The following OSBPL2 variants were observed in gnomAD, a reference collection of about 807,000 sequenced individuals.
The protein encoded by OSBPL2 is oxysterol-binding protein-related protein 2.
Under a neutral mutation model 58.4 loss-of-function variants are expected in OSBPL2, and 18 were observed. The ratio of observed to expected loss-of-function variants is 0.31; its 90% CI spans 0.21 to 0.46. The LOEUF (loss-of-function observed/expected upper bound fraction) is 0.46, where lower values mean the gene tolerates loss of function less well. Among genes scored for constraint, OSBPL2 ranks in the 20% least tolerant of loss-of-function variants. OSBPL2 has a pLI of 1.00. For missense variants in OSBPL2, 461 were observed against 616.5 expected, an observed-to-expected ratio of 0.75 and a Z score of 2.67; for synonymous variants, 221 against 234.1, an observed-to-expected ratio of 0.94 and a Z score of 0.51.
rs115186939 is a variant in OSBPL2, at chr20:62,254,172, C to T, written c.-128-1885C>T. Reference sequence around the variant, plus strand: ...CCTGAGGGCAGAGCCCTCACAGTCCCACCACCTCTCAAAGGCCCCACATCC... The same window carrying T: ...CCTGAGGGCAGAGCCCTCACAGTCCTACCACCTCTCAAAGGCCCCACATCC... On this transcript the variant is annotated intron_variant, in intron 1 of 13. Transcript: ENST00000313733. 2.6e-3 allele frequency among the ~76,000 whole-genome samples: 399 copies of T among 152,324 alleles called. 1 individual carries two copies. The highest frequency in any genetic ancestry group is 9.1e-3 in the African/African-American group (379 of 41,580).
chr20:62,272,690 T>C (rs1982141129), intron 5 of OSBPL2, among the ~76,000 whole-genome samples: 1 of 152,054 alleles, frequency 6.6e-6, no homozygotes, highest in Non-Finnish European at 1.5e-5. Context: ...CTCCTGGAGG[T>C]TGAGACCAGC....
Position 62,295,502 on chromosome 20 carries a change from A to C in OSBPL2, c.*1615A>C, listed in dbSNP as rs1456699265. 1 of 152,084 alleles carries C rather than the reference A, an allele frequency of 6.6e-6. No individual in the cohort carries two copies. The highest frequency in any genetic ancestry group is 1.9e-4 in the East Asian group (1 of 5,180). 9.4% of individuals were successfully genotyped at this position (152,084 alleles called of 1,614,324 possible). A position where few individuals can be genotyped will look rare whatever the true frequency, so the allele number is the denominator to read the frequency against. On this transcript the variant is annotated 3_prime_UTR_variant, in exon 14 of 14. Coordinates refer to ENST00000313733, the MANE Select transcript of OSBPL2 (RefSeq NM_144498.4). The surrounding 1 kb of genome is among the most constrained non-coding windows in gnomAD (Gnocchi z 4.8). Reference sequence around the variant, plus strand: ...ACTCGTTTTGAAAGCTTGATTTTGTAGCTTTGGAAGCTGGAAGCGATGGTG... The same window carrying C: ...ACTCGTTTTGAAAGCTTGATTTTGTCGCTTTGGAAGCTGGAAGCGATGGTG...
chr20:62,286,725 C>T lies in OSBPL2; in HGVS notation c.1125+14C>T, dbSNP rs1296062300. ...AACTCTGCCCAGGTCTGTGTCCCTC[C>T]ATGGCCTGACGTCTCTGCCTGCTCA... On this transcript the variant is annotated intron_variant, in intron 11 of 13. Transcript: ENST00000313733. 2.5e-6 allele frequency: 4 copies of T among 1,604,460 alleles called. No individual in the cohort carries two copies. Among genetic ancestry groups the T allele is most frequent in the East Asian group, 2.2e-5 (1 of 44,638 alleles).
intron 4 of OSBPL2, among the ~76,000 whole-genome samples, chr20:62,265,629 C>G (rs1487560595): frequency 6.6e-6 from 1 of 152,170 alleles, no homozygotes. Flanking sequence ...TGTGCTAATG[C>G]TCATGCATAC....
rs199711719 is a variant in OSBPL2 at position 62,289,193 on chromosome 20, G to T, written c.1126-14G>T. ...GGCCCTGCTGAGGTCGTGTCTCTGT[G>T]CCTTGCTCCACAGATGTATAATTTC... On this transcript the variant is annotated splice_polypyrimidine_tract_variant and intron_variant, in intron 11 of 13. Transcript: ENST00000313733. 6.9e-4 allele frequency: 1,118 copies of T among 1,613,356 alleles called. 1 individual carries two copies. Among genetic ancestry groups the T allele is most frequent in the Non-Finnish European group, 8.8e-4 (1,035 of 1,179,650 alleles).
rs1368380766 is a variant in OSBPL2, at chr20:62,269,899, G to A, written c.259-2226G>A. On this transcript the variant is annotated intron_variant, in intron 4 of 13. Coordinates refer to ENST00000313733, the MANE Select transcript of OSBPL2 (RefSeq NM_144498.4). The surrounding 1 kb of genome is among the most constrained non-coding windows in gnomAD (Gnocchi z 4.2). Reference sequence around the variant, plus strand: ...GGAATCCAGTTCTAGCCCCTCCTAAGCCCACAGTCCCCGTGTGTCCAGTGC... The same window carrying A: ...GGAATCCAGTTCTAGCCCCTCCTAAACCCACAGTCCCCGTGTGTCCAGTGC... 3.9e-5 allele frequency among the ~76,000 whole-genome samples: 6 copies of A among 152,198 alleles called. No individual in the cohort carries two copies. The East Asian group carries it at 1.2e-3, about 29-fold the overall frequency.
chr20:62,278,947 G>C, intron 6 of OSBPL2: 1 of 552,370 alleles, frequency 1.8e-6, no homozygotes, highest in Non-Finnish European at 3.2e-6. Context: ...GTTAGGCCAA[G>C]TGCGATGTCA....
chr20:62,272,366 T>C (rs2145951873), intron 5 of OSBPL2, 107 bp downstream of exon 5: 1 of 1,246,588 alleles, frequency 8.0e-7, no homozygotes, highest in Non-Finnish European at 1.1e-6. Context: ...CTCGCACAGC[T>C]CCCCCCAGTG....
chr20:62,270,501 G>A (rs371626391), intron 4 of OSBPL2, among the ~76,000 whole-genome samples: 2 of 42,258 alleles, frequency 4.7e-5, no homozygotes, highest in Non-Finnish European at 5.1e-5. Flanking sequence ...TCCCTCTCTG[G>A]CCTCTCTGGG....
At chr20:62,248,169 T>G (rs1225830855) in intron 1 of OSBPL2, among the ~76,000 whole-genome samples, 4 of 120,050 alleles carry the variant, frequency 3.3e-5, no homozygotes, top group African/African-American at 1.3e-4. Flanking sequence ...TTTTTTTTTT[T>G]TTTGTGACAG....
chr20:62,248,432 A>G (rs1162303316), intron 1 of OSBPL2, among the ~76,000 whole-genome samples: 2 of 152,192 alleles, frequency 1.3e-5, no homozygotes, highest in Non-Finnish European at 2.9e-5. Context: ...CTGGGACTGT[A>G]GGCATGAGCC....
chr20:62,287,850 C>T (rs6061482), intron 11 of OSBPL2, among the ~76,000 whole-genome samples: 85,224 of 152,040 alleles, frequency 0.56, 23,987 homozygotes, highest in African/African-American at 0.65. Context: ...ATGCTTCCAG[C>T]CTTTGGCTCA....
chr20:62,261,276 G>T (rs557271250), intron 3 of OSBPL2, among the ~76,000 whole-genome samples: 1 of 144,412 alleles, frequency 6.9e-6, no homozygotes, highest in Non-Finnish European at 1.5e-5. Context: ...AGGTCACGCC[G>T]CTGCACTCCA....
chr20:62,283,390 G>C (rs1025837072), intron 9 of OSBPL2, among the ~76,000 whole-genome samples: 3 of 152,178 alleles, frequency 2.0e-5, no homozygotes, highest in Admixed American at 2.0e-4. Flanking sequence ...GCACTTCCCG[G>C]GAGTCTGTGG....
rs1261260644 is a variant in OSBPL2, at chr20:62,295,997, C to G, written c.*2110C>G. 1.3e-5 allele frequency: 2 copies of G among 152,240 alleles called. No homozygotes were observed. The highest frequency in any genetic ancestry group is 2.9e-5 in the Non-Finnish European group (2 of 68,038). 9.4% of individuals were successfully genotyped at this position (152,240 alleles called of 1,614,324 possible). A position where few individuals can be genotyped will look rare whatever the true frequency, so the allele number is the denominator to read the frequency against. ...CTGTCCTTGAGGACAGACACCAAAC[C>G]AGAGGTGGAGGAAGAACGGTAGGAA... On this transcript the variant is annotated 3_prime_UTR_variant, in exon 14 of 14. Coordinates refer to ENST00000313733, the MANE Select transcript of OSBPL2 (RefSeq NM_144498.4). This position sits in a 1 kb window ranked among gnomAD's most constrained non-coding sequence, Gnocchi z 4.8.
rs182960172 is a variant in OSBPL2, at chr20:62,295,215, G to C, written c.*1328G>C. 2.6e-5 allele frequency: 4 copies of C among 151,764 alleles called. No individual in the cohort carries two copies. The highest frequency in any genetic ancestry group is 5.9e-5 in the Non-Finnish European group (4 of 67,758). 9.4% of individuals were successfully genotyped at this position (151,764 alleles called of 1,614,324 possible). A position where few individuals can be genotyped will look rare whatever the true frequency, so the allele number is the denominator to read the frequency against. The stretch of plus-strand genomic sequence containing the variant: ...AGTCTGCCTGCCTCAACCTCCCAAA[G>C]TGCTGGGATTACAGGCGTGAGCCAC... On this transcript the variant is annotated 3_prime_UTR_variant, in exon 14 of 14. Coordinates refer to ENST00000313733, the MANE Select transcript of OSBPL2 (RefSeq NM_144498.4). The surrounding 1 kb of genome is among the most constrained non-coding windows in gnomAD (Gnocchi z 4.8).
intron 1 of OSBPL2, among the ~76,000 whole-genome samples, chr20:62,243,725 TG>T (rs1274100627): frequency 6.6e-6 from 1 of 152,118 alleles, no homozygotes; most frequent in Non-Finnish European, 1.5e-5. Flanking sequence ...AGGCCCACGG[TG>T]GGGTCAGGAC....
intron 5 of OSBPL2, 48 bp downstream of exon 5, chr20:62,272,307 C>G: frequency 6.3e-7 from 1 of 1,594,978 alleles, no homozygotes. Context: ...AAGTGATGCC[C>G]CTTGCATGTC....
chr20:62,276,941 T>G (rs1180241245), intron 6 of OSBPL2, among the ~76,000 whole-genome samples: 1 of 152,190 alleles, frequency 6.6e-6, no homozygotes, highest in African/African-American at 2.4e-5. Flanking sequence ...AAAAAATTAT[T>G]AAAATGTCTT....
Sources: allele counts gnomAD v4.1 joint callset (sites outside exome capture counted in the v4.1 genomes callset), GRCh38; gene constraint gnomAD v4.1.1; non-coding constraint Gnocchi (gnomAD v3.1); transcripts MANE v1.5; gene names NCBI Gene and HGNC (gene_info 2026-07-23, HGNC 2026-07-21).